Variants in ARVCF observed in about 807,000 individuals in gnomAD.
ARVCF encodes the protein splicing regulator ARVCF.
In ARVCF, 66 loss-of-function variants were observed where a neutral mutation model predicts 90.9. That is an observed-to-expected ratio of 0.73 (90% CI 0.60 to 0.89). The LOEUF is 0.89. Among genes scored for constraint, ARVCF ranks in the 40% least tolerant of loss-of-function variants. The pLI, the probability that ARVCF is intolerant of heterozygous loss-of-function variation, is 0.00. For missense variants in ARVCF, 1,469 were observed against 1,382.3 expected (o/e 1.06, Z -1.00); for synonymous variants, 653 against 603.4 (o/e 1.08, Z -1.21).
In ARVCF at chr22:19,972,898, A is replaced by G. The variant is rs112815754; in HGVS notation, c.2550+27T>C. On this transcript the variant is annotated intron_variant, in intron 15 of 19. Transcript: ENST00000263207. ...GGGAATAAGGCAAAGTGAGCAGGGAATGGAAGGAAGGCCAGGGAAGCCGCA... is the reference window on the plus strand; with the variant it reads ...GGGAATAAGGCAAAGTGAGCAGGGAGTGGAAGGAAGGCCAGGGAAGCCGCA... The G allele has an allele frequency of 1.3e-3, 2,098 of 1,613,842 alleles. 24 individuals carry two copies. The African/African-American group carries it at 0.025, about 19-fold the overall frequency.
intron 11 of ARVCF, among the ~76,000 whole-genome samples, chr22:19,974,629 G>A (rs1014833109): frequency 2.6e-5 from 4 of 151,792 alleles, no homozygotes; most frequent in Admixed American, 6.6e-5. Flanking sequence ...ACCAGCATTG[G>A]CCAGTAACTG....
In ARVCF at chr22:19,980,090, C is replaced by A. The variant is rs376884775; in HGVS notation, c.1049G>T (p.Arg350Leu). 3.8e-6 allele frequency: 6 copies of A among 1,582,728 alleles called. No homozygotes were observed. The highest frequency in any genetic ancestry group is 5.1e-6 in the Non-Finnish European group (6 of 1,166,524). Residue 350 changes from arginine to leucine, a missense_variant, in exon 6 of 20, where the codon CGC (arginine) becomes CTC (leucine). Coordinates refer to ENST00000263207, the MANE Select transcript of ARVCF (RefSeq NM_001670.3). ...AGGGTCCCGCCAGCGCGGCTCCTTG[C>A]GGGCGCTATCCACTGAGGGCGAGCG... Reference protein sequence around the residue: ...VRRSPSVDSARKEPRWRDPEL... With the variant: ...VRRSPSVDSALKEPRWRDPEL...
At chr22:20,012,235 G>A (rs148970845) in intron 1 of ARVCF, among the ~76,000 whole-genome samples, 4 of 152,318 alleles carry the variant, frequency 2.6e-5, no homozygotes, top group Non-Finnish European at 4.4e-5. Context: ...GTGAGGCATT[G>A]GAGAGGGCTT....
chr22:19,977,659 A>T (rs1298814329), intron 8 of ARVCF, 73 bp from the exon 9 acceptor site: 61 of 1,475,354 alleles, frequency 4.1e-5, no homozygotes, highest in Non-Finnish European at 5.4e-5. Flanking sequence ...GACTGGCCAC[A>T]GCTGGTGTGC....
Position 19,970,416 on chromosome 22 carries a change from TC to T in ARVCF, c.*339del. On this transcript the variant is annotated 3_prime_UTR_variant, in exon 20 of 20. Coordinates refer to ENST00000263207, the MANE Select transcript of ARVCF (RefSeq NM_001670.3). The stretch of plus-strand genomic sequence containing the variant: ...CTGTGTTCCCAGGGGCACCCTCCTA[TC>T]CCACCAGCCCCAAAGCCCAGCCAGG... The T allele has an allele frequency of 9.5e-7, 1 of 1,055,790 alleles. No individual in the cohort carries two copies. 65.4% of individuals were successfully genotyped at this position (1,055,790 alleles called of 1,614,324 possible). A position where few individuals can be genotyped will look rare whatever the true frequency, so the allele number is the denominator to read the frequency against.
At chr22:19,974,866 C>T (rs1327698010) in intron 11 of ARVCF, among the ~76,000 whole-genome samples, 1 of 152,170 alleles carries the variant, frequency 6.6e-6, no homozygotes, top group Non-Finnish European at 1.5e-5. Context: ...ACTGAGGCGC[C>T]GTCCTGCTGC....
intron 2 of ARVCF, among the ~76,000 whole-genome samples, chr22:20,001,973 G>C (rs1042619220): frequency 2.0e-5 from 3 of 152,192 alleles, no homozygotes; most frequent in African/African-American, 7.2e-5. Context: ...GAGATGACAA[G>C]AGGATGGTAG....
chr22:20,010,981 T>A (rs1944806596), intron 1 of ARVCF, among the ~76,000 whole-genome samples: 1 of 152,202 alleles, frequency 6.6e-6, no homozygotes, highest in Admixed American at 6.5e-5. Context: ...CCAACATAGA[T>A]CCTGGGCCCT....
At chr22:19,982,379 C>T (rs1395825519) in intron 3 of ARVCF, among the ~76,000 whole-genome samples, 1 of 152,170 alleles carries the variant, frequency 6.6e-6, no homozygotes, top group Non-Finnish European at 1.5e-5. Flanking sequence ...GCTGAGTTGG[C>T]AGATAAGGAC....
intron 3 of ARVCF, among the ~76,000 whole-genome samples, chr22:19,985,093 C>A (rs1315783655): frequency 6.6e-6 from 1 of 152,180 alleles, no homozygotes; most frequent in Non-Finnish European, 1.5e-5. Flanking sequence ...CCCCACACAG[C>A]CTCTGCCTCA....
chr22:19,982,061 C>T lies in ARVCF; in HGVS notation c.241G>A (p.Ala81Thr), dbSNP rs1160229845. The change falls in exon 4 of 20, where the codon GCC becomes ACC. Residue 81 changes from alanine (A) to threonine (T), a missense_variant. By Grantham distance (58) the Ala-to-Thr change is moderately conservative. Transcript: ENST00000263207. ...ACATCAGGTGCCTCCGGCATCGTGG[C>T]CAGTGAGGCCTGGCTGCCTGGGCTC... ...EQSPGSQASL[A>T]TMPEAPDVLE... The T allele has an allele frequency of 6.2e-7, 1 of 1,612,550 alleles. No individual in the cohort carries two copies. Among genetic ancestry groups the T allele is most frequent in the Non-Finnish European group, 8.5e-7 (1 of 1,179,964 alleles).
intron 3 of ARVCF, among the ~76,000 whole-genome samples, chr22:19,982,382 A>T (rs1022675969): frequency 7.9e-5 from 12 of 152,096 alleles, no homozygotes; most frequent in Non-Finnish European, 1.5e-4. Flanking sequence ...GAGTTGGCAG[A>T]TAAGGACATA....
rs1943578753 is a variant in ARVCF, at chr22:19,982,829, A to G, written c.211-738T>C. Among the ~76,000 whole-genome samples the G allele has an allele frequency of 2.0e-5, 3 of 152,208 alleles. No individual in the cohort carries two copies. The South Asian group carries it at 6.2e-4, about 31-fold the overall frequency. On this transcript the variant is annotated intron_variant, in intron 3 of 19. Transcript: ENST00000263207. ...GCCCCCAGTGACTGAGACTCTGGGC[A>G]TCATATCAGAGACCAGACACAGTAG... is the stretch of plus-strand genomic sequence containing the variant.
At chr22:19,976,595 G>C (rs1943165154) in intron 10 of ARVCF, 111 bp downstream of exon 10, 1 of 1,387,762 alleles carries the variant, frequency 7.2e-7, no homozygotes, top group East Asian at 2.5e-5. Context: ...ATGGCAGCCC[G>C]AGTGATGAAG....
Position 19,982,094 on chromosome 22 carries a change from G to A in ARVCF, c.211-3C>T, listed in dbSNP as rs771933512. The A allele has an allele frequency of 6.2e-7, 1 of 1,610,200 alleles. No individual in the cohort carries two copies. Among genetic ancestry groups the A allele is most frequent in the Non-Finnish European group, 8.5e-7 (1 of 1,179,822 alleles). On this transcript the variant is annotated splice_region_variant and splice_polypyrimidine_tract_variant and intron_variant, in intron 3 of 19. Coordinates refer to ENST00000263207, the MANE Select transcript of ARVCF (RefSeq NM_001670.3). ...GCCTGGCTGCCTGGGCTCTGCTCCT[G>A]GGGCAAGGAGGGACATTGGTGGGCA... is the stretch of plus-strand genomic sequence containing the variant.
In ARVCF at chr22:19,971,990, G is replaced by T. The variant is rs1416653918; in HGVS notation, c.2696-19C>A. ...TATCCGTCTGTAGATGGGGTAAGGT[G>T]GGGCATGAGGGGCGCTCTGAGGGAG... On this transcript the variant is annotated intron_variant, in intron 17 of 19. Transcript: ENST00000263207. The T allele has an allele frequency of 1.3e-6, 2 of 1,586,940 alleles. No individual in the cohort carries two copies. Among genetic ancestry groups the T allele is most frequent in the Non-Finnish European group, 8.6e-7 (1 of 1,165,014 alleles).
chr22:19,967,190 C>T (rs762225948), downstream of ARVCF: 13 of 1,304,734 alleles, frequency 1.0e-5, no homozygotes, highest in Middle Eastern at 2.1e-4. Flanking sequence ...TCTTTCAGTC[C>T]GCTGACGTCT....
At chr22:19,990,164 G>A (rs1943971499) in intron 3 of ARVCF, among the ~76,000 whole-genome samples, 1 of 152,202 alleles carries the variant, frequency 6.6e-6, no homozygotes, top group South Asian at 2.1e-4. Flanking sequence ...GAGAAAATGA[G>A]GCTCCCAGGT....
At position 19,970,330 on chromosome 22, in the gene ARVCF, A is replaced by C. The variant is rs1014222348; in HGVS notation, c.*426T>G. The C allele has an allele frequency of 5.0e-6, 5 of 997,830 alleles. No individual in the cohort carries two copies. The Admixed American group carries it at 2.9e-4, about 58-fold the overall frequency. 61.8% of individuals were successfully genotyped at this position (997,830 alleles called of 1,614,324 possible). ...CCTTTAGAAGTCCAAGTTCTTTCCC[A>C]GCCCCCTCCCTGCCTAGCTGCCTGC... On this transcript the variant is annotated 3_prime_UTR_variant, in exon 20 of 20. Coordinates refer to ENST00000263207, the MANE Select transcript of ARVCF (RefSeq NM_001670.3).
Sources: allele counts gnomAD v4.1 joint callset (sites outside exome capture counted in the v4.1 genomes callset), GRCh38; gene constraint gnomAD v4.1.1; transcripts MANE v1.5; gene names NCBI Gene and HGNC (gene_info 2026-07-23, HGNC 2026-07-21).